The following SMAD7 variants were observed in gnomAD, a reference collection of about 807,000 sequenced individuals.
SMAD7 encodes the protein MAD (mothers against decapentaplegic, Drosophila) homolog 7.
Under a neutral mutation model 38.7 loss-of-function variants are expected in SMAD7, and 8 were observed. That is an observed-to-expected ratio of 0.21 (90% CI 0.12 to 0.37). SMAD7 has a LOEUF of 0.37. Among genes scored for constraint, SMAD7 ranks in the 10% least tolerant of loss-of-function variants. The pLI is 1.00. For missense variants in SMAD7, 477 were observed against 577.9 expected, an observed-to-expected ratio of 0.83 and a Z score of 1.79; for synonymous variants, 327 against 265.1, an observed-to-expected ratio of 1.23 and a Z score of -2.27.
Position 48,921,674 on chromosome 18 carries a change from C to T in SMAD7, c.979G>A (p.Val327Met). The change falls in exon 4 of 4, where the codon GTG (valine) becomes ATG (methionine). Residue 327 changes from valine (V) to methionine (M), a missense_variant. Around this residue, in one of 2 missense-constraint regions of SMAD7, gnomAD observed 101 missense variants for 198.5 expected, o/e 0.51. Transcript: ENST00000262158. The surrounding 1 kb of genome is among the most constrained non-coding windows in gnomAD (Gnocchi z 6.4). The stretch of plus-strand genomic sequence containing the variant: ...CGGTTGTACACCCACACACCATCCA[C>T]CTCCCGCGTCAGCTGGATGCCGCAG... ...IGCGIQLTRE[V>M]DGVWVYNRSS... 3.7e-6 allele frequency: 6 copies of T among 1,612,540 alleles called. No homozygotes were observed. The highest frequency in any genetic ancestry group is 4.2e-6 in the Non-Finnish European group (5 of 1,179,318).
rs1303966419 is a variant in SMAD7 at position 48,950,885 on chromosome 18, G to A, written c.-461C>T. On this transcript the variant is annotated 5_prime_UTR_variant, in exon 1 of 4. Coordinates refer to ENST00000262158, the MANE Select transcript of SMAD7 (RefSeq NM_005904.4). ...CGGGGGCAAAAAACGAAAGGCGTTC[G>A]GCTGGGCTGTTGGAAGAAGGAAAAA... is the stretch of plus-strand genomic sequence containing the variant. 2.6e-5 allele frequency among the ~76,000 whole-genome samples: 4 copies of A among 151,604 alleles called. No individual in the cohort carries two copies. Among genetic ancestry groups the A allele is most frequent in the Non-Finnish European group, 4.4e-5 (3 of 67,894 alleles).
At chr18:48,931,327 A>G (rs926406636) in intron 3 of SMAD7, among the ~76,000 whole-genome samples, 3 of 152,200 alleles carry the variant, frequency 2.0e-5, no homozygotes, top group Non-Finnish European at 4.4e-5. Flanking sequence ...TGTATATTTT[A>G]CCACAATAAA....
rs2143748101 is a variant in SMAD7, at chr18:48,921,168, A to G, written c.*204T>C. ...GCCCCTTCTTCCAAAAAAACCCCCA[A>G]CAATTCTTTTCATAAGCTATTTCTC... On this transcript the variant is annotated 3_prime_UTR_variant, in exon 4 of 4. Transcript: ENST00000262158. This position sits in a 1 kb window ranked among gnomAD's most constrained non-coding sequence, Gnocchi z 6.4. The G allele has an allele frequency of 1.8e-6, 1 of 571,128 alleles. No individual in the cohort carries two copies. Among genetic ancestry groups the G allele is most frequent in the Admixed American group, 3.4e-5 (1 of 29,680 alleles). The allele number at this position is 571,128 out of a possible 1,614,324, so 35.4% of individuals were successfully genotyped here.
At chr18:48,929,565 T>TCA (rs756130657) in intron 3 of SMAD7, among the ~76,000 whole-genome samples, 990 of 40,186 alleles carry the variant, frequency 0.025, 14 homozygotes, top group South Asian at 0.2. Context: ...TCTCTCTCTC[T>TCA]CTCTCACTCA....
chr18:48,936,620 G>A (rs1019434782), intron 3 of SMAD7, among the ~76,000 whole-genome samples: 5 of 152,178 alleles, frequency 3.3e-5, no homozygotes, highest in African/African-American at 9.7e-5. Flanking sequence ...TTTAGTGTGC[G>A]AGCAAGTCCA....
intron 2 of SMAD7, among the ~76,000 whole-genome samples, chr18:48,945,016 G>C (rs915668303): frequency 8.5e-5 from 13 of 152,200 alleles, no homozygotes; most frequent in African/African-American, 1.2e-4. Context: ...AAGGAGCTGG[G>C]AGTCCCACGA....
At chr18:48,941,741 A>G (rs1213998183) in intron 3 of SMAD7, among the ~76,000 whole-genome samples, 1 of 152,236 alleles carries the variant, frequency 6.6e-6, no homozygotes, top group East Asian at 1.9e-4. Flanking sequence ...TCCCATGTAC[A>G]TAACCAGTGA....
At position 48,923,433 on chromosome 18, in the gene SMAD7, C is replaced by T. The variant is rs374273991; in HGVS notation, c.743-1523G>A. Among the ~76,000 whole-genome samples the T allele has an allele frequency of 3.9e-5, 6 of 152,220 alleles. No homozygotes were observed. In the East Asian group the frequency reaches 1.2e-3, roughly 29 times the overall value. ...ACTAACTGGCTCCAACTTTTACAGG[C>T]GTGTTAGGACCTGGGAACCCACTGG... On this transcript the variant is annotated intron_variant, in intron 3 of 3. Coordinates refer to ENST00000262158, the MANE Select transcript of SMAD7 (RefSeq NM_005904.4).
At chr18:48,949,712 T>C (rs2070238567) in intron 1 of SMAD7, 100 bp downstream of exon 1, 13 of 1,295,248 alleles carry the variant, frequency 1.0e-5, no homozygotes, top group Admixed American at 5.1e-5. Context: ...GTATGCACAC[T>C]CCCCCTGGAG....
intron 2 of SMAD7, among the ~76,000 whole-genome samples, chr18:48,943,105 A>G (rs2070160655): frequency 1.3e-5 from 2 of 152,216 alleles, no homozygotes; most frequent in Admixed American, 6.5e-5. Flanking sequence ...AGTAGACGCA[A>G]TGAATGTTAC....
chr18:48,927,659 T>G (rs1303845553), intron 3 of SMAD7, among the ~76,000 whole-genome samples: 1 of 152,194 alleles, frequency 6.6e-6, no homozygotes, highest in Non-Finnish European at 1.5e-5. Flanking sequence ...GGGGCCAGCT[T>G]GTGGAGAGTG....
At chr18:48,942,265 C>CACGGA (rs1157260690) in intron 3 of SMAD7, among the ~76,000 whole-genome samples, 2 of 152,212 alleles carry the variant, frequency 1.3e-5, no homozygotes, top group African/African-American at 2.4e-5. Context: ...TCTCCCCGTC[C>CACGGA]ACGGAACGGA....
At chr18:48,936,354 G>A (rs962088326) in intron 3 of SMAD7, among the ~76,000 whole-genome samples, 2 of 152,068 alleles carry the variant, frequency 1.3e-5, no homozygotes, top group African/African-American at 4.8e-5. Flanking sequence ...TCAAACTTGT[G>A]GTAAAATACA....
intron 1 of SMAD7, among the ~76,000 whole-genome samples, 173 bp downstream of exon 1, chr18:48,949,632 TCAGCCCC>T (rs1257958070): frequency 2.0e-5 from 3 of 151,408 alleles, no homozygotes; most frequent in African/African-American, 7.3e-5. Flanking sequence ...TTCTCTACTT[TCAGCCCC>T]CAGTCTCTTC....
intron 3 of SMAD7, among the ~76,000 whole-genome samples, chr18:48,929,573 T>TCACACA (rs6146310): frequency 5.1e-5 from 7 of 137,422 alleles, no homozygotes; most frequent in African/African-American, 1.7e-4. Flanking sequence ...TCTCTCTCAC[T>TCACACA]CACACACACA....
At chr18:48,922,741 T>C (rs8085824) in intron 3 of SMAD7, among the ~76,000 whole-genome samples, 54,228 of 151,802 alleles carry the variant, frequency 0.36, 10,296 homozygotes, top group Middle Eastern at 0.44. Flanking sequence ...TCTCCCCTTC[T>C]CTGCCGGCAC....
At chr18:48,948,629 C>G in intron 1 of SMAD7, 192 bp from the exon 2 acceptor site, 1 of 419,780 alleles carries the variant, frequency 2.4e-6, no homozygotes, top group South Asian at 3.4e-5. Context: ...GCGCCAGCCT[C>G]GGCGCTCCGC....
intron 3 of SMAD7, among the ~76,000 whole-genome samples, chr18:48,927,099 C>T (rs969878567): frequency 6.6e-6 from 1 of 152,146 alleles, no homozygotes; most frequent in Non-Finnish European, 1.5e-5. Context: ...GAAATAGGAC[C>T]CCAGAGCTCC....
intron 3 of SMAD7, among the ~76,000 whole-genome samples, chr18:48,931,168 G>A (rs1291156543): frequency 6.6e-6 from 1 of 152,190 alleles, no homozygotes; most frequent in Non-Finnish European, 1.5e-5. Flanking sequence ...GGGGAGGGGA[G>A]AAGGGAAGTT....
Sources: gnomAD v4.1 joint callset for allele counts (sites outside exome capture counted in the v4.1 genomes callset) on GRCh38, gnomAD v4.1.1 for gene constraint, gnomAD v4.1.1 regional missense constraint, Gnocchi (gnomAD v3.1) non-coding constraint, MANE v1.5 for transcripts, NCBI Gene and HGNC (gene_info 2026-07-23, HGNC 2026-07-21) for gene names.